CEP112: variants seen among roughly 807,000 people sequenced by gnomAD.
CEP112 encodes the protein centrosomal protein of 112 kDa.
CEP112 carries 127 observed loss-of-function variants against 153.0 expected under a neutral mutation model. The observed-to-expected ratio is 0.83, with a 90% CI of 0.72 to 0.96. The LOEUF is 0.96. CEP112 is among the 40% of genes least tolerant of loss of function. The probability of loss-of-function intolerance (pLI) is 0.00; values close to 1 mark genes in which losing one functional copy is unlikely to be tolerated. For synonymous variants in CEP112, 358 were observed against 374.4 expected (o/e 0.96, Z 0.51); for missense variants, 1,089 against 1,101.2 (o/e 0.99, Z 0.16).
chr17:65,643,457 C>A (rs60565981), intron 24 of CEP112, among the ~76,000 whole-genome samples: 21,485 of 131,400 alleles, frequency 0.16, 1,914 homozygotes, highest in East Asian at 0.54. Flanking sequence ...ACCACCACAC[C>A]TGGCTAATTT....
intron 18 of CEP112, among the ~76,000 whole-genome samples, chr17:65,938,293 G>A (rs2061412213): frequency 7.0e-6 from 1 of 141,938 alleles, no homozygotes; most frequent in Admixed American, 7.3e-5. Context: ...AAGCCCGCAG[G>A]GTCCTCTGCC....
At chr17:66,097,492 C>A (rs1159628814) in intron 6 of CEP112, among the ~76,000 whole-genome samples, 1 of 152,170 alleles carries the variant, frequency 6.6e-6, no homozygotes, top group African/African-American at 2.4e-5. Flanking sequence ...ATTAATATTT[C>A]TTCAGAAAGA....
At chr17:66,073,401 CT>C (rs1157373340) in intron 8 of CEP112, among the ~76,000 whole-genome samples, 1 of 152,162 alleles carries the variant, frequency 6.6e-6, no homozygotes, top group Non-Finnish European at 1.5e-5. Context: ...ATGCAGGGTA[CT>C]AAAAGAGGTA....
intron 8 of CEP112, among the ~76,000 whole-genome samples, chr17:66,087,496 A>G (rs1402552170): frequency 6.6e-6 from 1 of 152,242 alleles, no homozygotes; most frequent in African/African-American, 2.4e-5. Flanking sequence ...TATGCTTTTT[A>G]AAATGTCATT....
chr17:66,000,599 C>T (rs983281992), intron 17 of CEP112, among the ~76,000 whole-genome samples: 1 of 152,054 alleles, frequency 6.6e-6, no homozygotes, highest in Non-Finnish European at 1.5e-5. Flanking sequence ...AGCGTCCAAA[C>T]ATCATGCATA....
intron 2 of CEP112, among the ~76,000 whole-genome samples, chr17:66,180,727 A>AAACT (rs1422170309): frequency 6.6e-6 from 1 of 152,160 alleles, no homozygotes; most frequent in East Asian, 1.9e-4. Context: ...GGTCTCAGGA[A>AAACT]AACTATTCTG....
intron 12 of CEP112, among the ~76,000 whole-genome samples, chr17:66,031,260 T>C (rs1052814063): frequency 3.9e-5 from 6 of 152,182 alleles, no homozygotes; most frequent in African/African-American, 1.4e-4. Flanking sequence ...AAAGAACATA[T>C]ACTTTGCCTT....
At chr17:65,958,145 A>C (rs1170853380) in intron 18 of CEP112, among the ~76,000 whole-genome samples, 3 of 152,008 alleles carry the variant, frequency 2.0e-5, no homozygotes, top group Non-Finnish European at 2.9e-5. Flanking sequence ...CTTTCATATG[A>C]TGGTTTCCTT....
At chr17:65,865,029 T>A (rs1346628199) in intron 20 of CEP112, among the ~76,000 whole-genome samples, 1 of 151,836 alleles carries the variant, frequency 6.6e-6, no homozygotes, top group Non-Finnish European at 1.5e-5. Flanking sequence ...CAGGAAAGAC[T>A]GTTTTTTTGT....
intron 24 of CEP112, among the ~76,000 whole-genome samples, chr17:65,678,243 C>T (rs1159346551): frequency 1.3e-5 from 2 of 152,112 alleles, no homozygotes; most frequent in Non-Finnish European, 2.9e-5. Context: ...GAACAGGAAG[C>T]CTTGATAGAA....
chr17:65,728,838 G>A (rs922378120), intron 23 of CEP112, among the ~76,000 whole-genome samples: 1 of 152,120 alleles, frequency 6.6e-6, no homozygotes, highest in Non-Finnish European at 1.5e-5. Flanking sequence ...GAGTGAATGT[G>A]AAGGCCTAGG....
intron 4 of CEP112, among the ~76,000 whole-genome samples, chr17:66,161,043 A>G (rs1228610923): frequency 2.6e-5 from 4 of 152,306 alleles, no homozygotes; most frequent in Admixed American, 1.3e-4. Flanking sequence ...GACACTTCTC[A>G]AAAGAAGGTA....
intron 6 of CEP112, among the ~76,000 whole-genome samples, chr17:66,103,639 A>C (rs1205356263): frequency 7.0e-6 from 1 of 142,580 alleles, no homozygotes; most frequent in Non-Finnish European, 1.6e-5. Flanking sequence ...ACAACTATTC[A>C]CATAAAAAAG....
chr17:65,696,864 C>T (rs1028792513), intron 23 of CEP112, among the ~76,000 whole-genome samples: 4 of 152,044 alleles, frequency 2.6e-5, no homozygotes, highest in African/African-American at 4.8e-5. Context: ...ATATCCTTTC[C>T]TTCACGAGGC....
At chr17:65,864,066 G>A (rs569972492) in intron 20 of CEP112, among the ~76,000 whole-genome samples, 10 of 151,766 alleles carry the variant, frequency 6.6e-5, no homozygotes, top group Admixed American at 5.2e-4. Context: ...GCTTGAACCC[G>A]GGAGGCAGAG....
intron 17 of CEP112, among the ~76,000 whole-genome samples, chr17:65,971,404 T>G (rs938455468): frequency 1.8e-5 from 1 of 54,380 alleles, no homozygotes; most frequent in Non-Finnish European, 3.9e-5. Context: ...GCATGTATAT[T>G]GCACCCATGC....
rs1193122999 is a variant in CEP112 at position 65,960,282 on chromosome 17, C to T, written c.1872+1181G>A. 2.0e-5 allele frequency among the ~76,000 whole-genome samples: 3 copies of T among 151,840 alleles called. No homozygotes were observed. In the East Asian group the frequency reaches 5.8e-4, roughly 29 times the overall value. On this transcript the variant is annotated intron_variant, in intron 18 of 26. Transcript: ENST00000535342. ...AAACAGCATGGTTAGCACACAGATA[C>T]ATAATATTAGATATAAAAGGGCAAA...
At chr17:65,819,520 A>G (rs542874859) in intron 21 of CEP112, among the ~76,000 whole-genome samples, 1 of 152,112 alleles carries the variant, frequency 6.6e-6, no homozygotes, top group African/African-American at 2.4e-5. Flanking sequence ...TATGTCTCCC[A>G]AGATATTTTA....
At chr17:65,954,269 C>T (rs1584042) in intron 18 of CEP112, among the ~76,000 whole-genome samples, 72,627 of 151,622 alleles carry the variant, frequency 0.48, 18,340 homozygotes, top group East Asian at 0.89. Context: ...ACTATAGCTC[C>T]GCTCTTAGGA....
Sources: allele counts gnomAD v4.1 joint callset (sites outside exome capture counted in the v4.1 genomes callset), GRCh38; gene constraint gnomAD v4.1.1; transcripts MANE v1.5; gene names NCBI Gene and HGNC (gene_info 2026-07-23, HGNC 2026-07-21).